Variants in CDH12 observed in about 807,000 individuals in gnomAD.
CDH12 encodes cadherin-12.
A neutral mutation model predicts 74.1 loss-of-function variants in CDH12; 41 were observed. The observed-to-expected ratio is 0.55, with a 90% CI of 0.43 to 0.72. The LOEUF is 0.72. Among genes scored for constraint, CDH12 ranks in the 30% least tolerant of loss-of-function variants. The pLI, the probability that CDH12 is intolerant of heterozygous loss-of-function variation, is 0.00. For synonymous variants in CDH12, 399 were observed against 355.0 expected (o/e 1.12, Z -1.39); for missense variants, 945 against 977.2 (o/e 0.97, Z 0.44).
At chr5:22,640,051 T>G in intron 1 of CDH12, among the ~76,000 whole-genome samples, 1 of 151,874 alleles carries the variant, frequency 6.6e-6, no homozygotes, top group East Asian at 1.9e-4. Flanking sequence ...AGAGAAAAAA[T>G]AAACAATAAA....
intron 2 of CDH12, among the ~76,000 whole-genome samples, chr5:22,447,078 T>G (rs1744844509): frequency 6.6e-6 from 1 of 152,102 alleles, no homozygotes; most frequent in African/African-American, 2.4e-5. Context: ...TCACTACAAA[T>G]AGGAATACTT....
intron 2 of CDH12, among the ~76,000 whole-genome samples, chr5:22,488,316 A>AT (rs1024545104): frequency 2.0e-5 from 3 of 151,962 alleles, no homozygotes; most frequent in African/African-American, 4.8e-5. Context: ...TAAAAGAAAT[A>AT]TTTTTTTCCG....
rs1561341224 is a variant in CDH12, at chr5:21,975,256, C to T, written c.361G>A (p.Glu121Lys). Residue 121 changes from glutamate (E) to lysine (K), a missense_variant, in exon 6 of 15, where the codon GAG (glutamate) becomes AAG (lysine). Coordinates refer to ENST00000382254, the MANE Select transcript of CDH12 (RefSeq NM_004061.5). Reference sequence around the variant, plus strand: ...GCACGAAGAGTGTAGAAAGGTTTCTCTTCTCTATCTAGGCTCCTTATTGCA... The same window carrying T: ...GCACGAAGAGTGTAGAAAGGTTTCTTTTCTCTATCTAGGCTCCTTATTGCA... ...IHAIRSLDREEKPFYTLRAQA... is the reference protein window; with the variant it reads ...IHAIRSLDREKKPFYTLRAQA... The T allele has an allele frequency of 6.3e-7, 1 of 1,597,356 alleles. No homozygotes were observed. Among genetic ancestry groups the T allele is most frequent in the South Asian group, 1.1e-5 (1 of 90,986 alleles).
intron 1 of CDH12, among the ~76,000 whole-genome samples, chr5:22,828,930 G>A (rs1736458419): frequency 6.6e-6 from 1 of 152,006 alleles, no homozygotes; most frequent in African/African-American, 2.4e-5. Flanking sequence ...ATATGCTAAT[G>A]GAAAAGTTAT....
chr5:22,035,435 C>A (rs192895518), intron 5 of CDH12, among the ~76,000 whole-genome samples: 1 of 151,640 alleles, frequency 6.6e-6, no homozygotes, highest in South Asian at 2.1e-4. Context: ...CGGCATCCAA[C>A]CTTATGGAGA....
chr5:22,653,557 G>C (rs1422630802), intron 1 of CDH12, among the ~76,000 whole-genome samples: 1 of 151,776 alleles, frequency 6.6e-6, no homozygotes, highest in East Asian at 1.9e-4. Context: ...AATGTATTCT[G>C]ACTCTCATAT....
At position 21,751,546 on chromosome 5, in the gene CDH12, C is replaced by T; in HGVS notation, c.*191G>A. On this transcript the variant is annotated 3_prime_UTR_variant, in exon 15 of 15. Transcript: ENST00000382254. The stretch of plus-strand genomic sequence containing the variant: ...CTCTTGTTGGCAGAATAAACCAAAA[C>T]TGACAATATGATTAATTTAGTAACT... The T allele has an allele frequency of 1.7e-6, 1 of 578,802 alleles. No homozygotes were observed. The highest frequency in any genetic ancestry group is 3.0e-6 in the Non-Finnish European group (1 of 330,922). The allele number at this position is 578,802 out of a possible 1,614,324, so 35.9% of individuals were successfully genotyped here.
chr5:22,326,268 T>C (rs952789870), intron 3 of CDH12, among the ~76,000 whole-genome samples: 5 of 151,838 alleles, frequency 3.3e-5, no homozygotes, highest in African/African-American at 1.2e-4. Context: ...GGATTCTCCC[T>C]CTGTCGCCCA....
intron 1 of CDH12, among the ~76,000 whole-genome samples, chr5:22,727,653 T>C (rs1744228283): frequency 6.6e-6 from 1 of 151,766 alleles, no homozygotes; most frequent in African/African-American, 2.4e-5. Context: ...AATAAATTCC[T>C]TTTTCTTCTG....
intron 3 of CDH12, among the ~76,000 whole-genome samples, chr5:22,385,862 G>C (rs1741973967): frequency 6.7e-6 from 1 of 149,146 alleles, no homozygotes; most frequent in Non-Finnish European, 1.5e-5. Context: ...GAGAAAGGGA[G>C]AGAAGGTGGA....
chr5:22,796,107 G>A (rs1483584907), intron 1 of CDH12, among the ~76,000 whole-genome samples: 1 of 152,214 alleles, frequency 6.6e-6, no homozygotes, highest in Admixed American at 6.5e-5. Context: ...GATGGACAAA[G>A]GTTGATTCCA....
intron 4 of CDH12, among the ~76,000 whole-genome samples, chr5:22,080,585 G>A (rs1203295041): frequency 6.6e-6 from 1 of 152,016 alleles, no homozygotes; most frequent in Non-Finnish European, 1.5e-5. Context: ...GAAACCTCTA[G>A]TCACATGTGC....
intron 3 of CDH12, among the ~76,000 whole-genome samples, chr5:22,354,010 G>A (rs1320604530): frequency 6.6e-6 from 1 of 152,160 alleles, no homozygotes; most frequent in Non-Finnish European, 1.5e-5. Context: ...GGAGAGACCA[G>A]TAATGAAGTC....
chr5:22,262,720 A>G (rs1195779152), intron 3 of CDH12, among the ~76,000 whole-genome samples: 1 of 151,788 alleles, frequency 6.6e-6, no homozygotes, highest in African/African-American at 2.4e-5. Context: ...GAACTAGTTT[A>G]CAGTCCCACC....
chr5:22,222,965 C>T (rs1752070633), intron 3 of CDH12, among the ~76,000 whole-genome samples: 1 of 151,784 alleles, frequency 6.6e-6, no homozygotes. Context: ...ATTTCCAATA[C>T]TTATATTTAA....
Position 22,343,886 on chromosome 5 carries a change from G to C in CDH12, c.-333+61371C>G, listed in dbSNP as rs186955998. 1.7e-3 allele frequency among the ~76,000 whole-genome samples: 263 copies of C among 152,282 alleles called. 8 individuals carry two copies. The highest frequency in any genetic ancestry group is 3.7e-4 in the Non-Finnish European group (25 of 68,024). On this transcript the variant is annotated intron_variant, in intron 3 of 14. Coordinates refer to ENST00000382254, the MANE Select transcript of CDH12 (RefSeq NM_004061.5). ...CAACTATCTCTTTATTAATTGCTCAGTTTACCCTAGCATATGTTGTAGATA... is the reference window on the plus strand; with the variant it reads ...CAACTATCTCTTTATTAATTGCTCACTTTACCCTAGCATATGTTGTAGATA...
At chr5:21,806,159 C>A (rs546284161) in intron 9 of CDH12, among the ~76,000 whole-genome samples, 1 of 152,162 alleles carries the variant, frequency 6.6e-6, no homozygotes, top group South Asian at 2.1e-4. Context: ...TTTTTTGCCA[C>A]TGAAGGAAAT....
intron 3 of CDH12, among the ~76,000 whole-genome samples, chr5:22,228,338 C>T (rs939311137): frequency 6.6e-6 from 1 of 152,044 alleles, no homozygotes; most frequent in Non-Finnish European, 1.5e-5. Flanking sequence ...ATGCCACCTA[C>T]CACAAATTTC....
chr5:21,976,571 A>T (rs1408041680), intron 5 of CDH12, among the ~76,000 whole-genome samples: 1 of 151,156 alleles, frequency 6.6e-6, no homozygotes, highest in African/African-American at 2.4e-5. Context: ...AGTCTTATAA[A>T]TAATATTTAC....
Sources: allele counts gnomAD v4.1 joint callset (sites outside exome capture counted in the v4.1 genomes callset), GRCh38; gene constraint gnomAD v4.1.1; transcripts MANE v1.5; gene names NCBI Gene and HGNC (gene_info 2026-07-23, HGNC 2026-07-21).